Variants in ITCH observed in about 807,000 individuals in gnomAD.
ITCH encodes E3 ubiquitin-protein ligase Itchy homolog.
A neutral mutation model predicts 126.8 loss-of-function variants in ITCH; 28 were observed. The ratio of observed to expected loss-of-function variants is 0.22; its 90% CI spans 0.16 to 0.30. The LOEUF (loss-of-function observed/expected upper bound fraction) is 0.30. ITCH is among the 10% of genes least tolerant of loss of function. ITCH has a pLI of 1.00. For synonymous variants in ITCH, 342 were observed against 340.0 expected (o/e 1.01, Z -0.06); for missense variants, 631 against 1,032.4 (o/e 0.61, Z 5.33).
intron 2 of ITCH, among the ~76,000 whole-genome samples, chr20:34,385,272 A>C (rs1601773479): frequency 7.3e-6 from 1 of 136,700 alleles, no homozygotes; most frequent in East Asian, 2.3e-4. Flanking sequence ...TATGTTGGCC[A>C]GGCTGGTCTC....
intron 2 of ITCH, among the ~76,000 whole-genome samples, chr20:34,388,178 G>T (rs970879234): frequency 6.7e-6 from 1 of 149,810 alleles, no homozygotes; most frequent in African/African-American, 2.5e-5. Context: ...GTTCACTGCT[G>T]CCTCAACTTC....
In ITCH at chr20:34,416,880, T is replaced by TA. The variant is rs200041725; in HGVS notation, c.475+3002dup. On this transcript the variant is annotated intron_variant, in intron 6 of 24. Transcript: ENST00000374864. ...GAGTTAATCTGCTTTCATGAGTCTCTAGGAAGAGGTCTTCCTAGACCTCTT... is the reference window on the plus strand; with the variant it reads ...GAGTTAATCTGCTTTCATGAGTCTCTAAGGAAGAGGTCTTCCTAGACCTCTT... 4.5e-4 allele frequency among the ~76,000 whole-genome samples: 68 copies of TA among 151,084 alleles called. 2 individuals carry two copies. In the East Asian group the frequency reaches 0.013, roughly 30 times the overall value.
intron 12 of ITCH, 47 bp from the exon 13 acceptor site, chr20:34,457,343 T>G: frequency 8.3e-7 from 1 of 1,198,914 alleles, no homozygotes; most frequent in Non-Finnish European, 1.2e-6. Flanking sequence ...AAGAAGACTA[T>G]GCCAATGCTA....
chr20:34,379,279 G>A (rs192437892), intron 2 of ITCH, among the ~76,000 whole-genome samples: 18 of 152,150 alleles, frequency 1.2e-4, no homozygotes, highest in African/African-American at 3.9e-4. Context: ...ATCTCTAAGG[G>A]ACAAAGAAAA....
intron 2 of ITCH, among the ~76,000 whole-genome samples, chr20:34,381,419 C>T (rs2038058423): frequency 6.6e-6 from 1 of 151,704 alleles, no homozygotes; most frequent in African/African-American, 2.4e-5. Flanking sequence ...TGTGTGCCAC[C>T]ATGCCTGGCT....
At chr20:34,424,731 T>C (rs1293861801) in intron 7 of ITCH, among the ~76,000 whole-genome samples, 1 of 152,210 alleles carries the variant, frequency 6.6e-6, no homozygotes, top group Non-Finnish European at 1.5e-5. Context: ...GATAACCAAA[T>C]TGTTGATACT....
chr20:34,368,937 G>A (rs919787833), intron 1 of ITCH, among the ~76,000 whole-genome samples: 1 of 152,112 alleles, frequency 6.6e-6, no homozygotes, highest in African/African-American at 2.4e-5. Flanking sequence ...TCTTTCTTTT[G>A]TCCTGTCTGC....
Position 34,508,040 on chromosome 20 carries a change from C to T in ITCH, c.*246C>T. 1 of 461,508 alleles carries T rather than the reference C, an allele frequency of 2.2e-6. No homozygotes were observed. The highest frequency in any genetic ancestry group is 4.0e-6 in the Non-Finnish European group (1 of 249,496). 28.6% of individuals were successfully genotyped at this position (461,508 alleles called of 1,614,324 possible). A position where few individuals can be genotyped will look rare whatever the true frequency, so the allele number is the denominator to read the frequency against. On this transcript the variant is annotated 3_prime_UTR_variant, in exon 25 of 25. Coordinates refer to ENST00000374864, the MANE Select transcript of ITCH (RefSeq NM_031483.7). ...GATTTTAACACAACAATGAAATTTG[C>T]CTTGTCTTATTCCACTAGTTTATTC...
chr20:34,410,047 A>G (rs1169181680), intron 4 of ITCH, among the ~76,000 whole-genome samples: 2 of 112,026 alleles, frequency 1.8e-5, no homozygotes, highest in Admixed American at 1.1e-4. Flanking sequence ...TCTCTACAAA[A>G]AGACAAACAA....
At chr20:34,372,088 C>T (rs887942957) in intron 2 of ITCH, among the ~76,000 whole-genome samples, 3 of 151,722 alleles carry the variant, frequency 2.0e-5, no homozygotes, top group South Asian at 2.1e-4. Flanking sequence ...GGGCGGATCA[C>T]GAGGTCAGAA....
At chr20:34,431,980 AT>A (rs1474675518) in intron 7 of ITCH, among the ~76,000 whole-genome samples, 1 of 143,324 alleles carries the variant, frequency 7.0e-6, no homozygotes, top group Non-Finnish European at 1.5e-5. Flanking sequence ...GGAGGTGGAG[AT>A]TGCAGTGAGC....
chr20:34,481,306 G>T, intron 20 of ITCH, 100 bp downstream of exon 20: 1 of 1,278,056 alleles, frequency 7.8e-7, no homozygotes, highest in Non-Finnish European at 1.1e-6. Flanking sequence ...AATAGTATTT[G>T]TCTCTGTACT....
In ITCH at chr20:34,445,146, C is replaced by G. The variant is rs1229701042; in HGVS notation, c.966-141C>G. ...GAAATAAATTTTTAGAAACATTTCT[C>G]TTAAGTTCACTTACAAACTATTTAA... On this transcript the variant is annotated intron_variant, in intron 10 of 24. Coordinates refer to ENST00000374864, the MANE Select transcript of ITCH (RefSeq NM_031483.7). The G allele has an allele frequency of 3.2e-6, 3 of 936,708 alleles. No individual in the cohort carries two copies. In the African/African-American group the frequency reaches 5.0e-5, roughly 16 times the overall value. The allele number at this position is 936,708 out of a possible 1,614,324, so 58.0% of individuals were successfully genotyped here. A position where few individuals can be genotyped will look rare whatever the true frequency, so the allele number is the denominator to read the frequency against.
chr20:34,457,375 C>CT lies in ITCH; in HGVS notation c.1211-14dup. 1 of 1,595,782 alleles carries CT rather than the reference C, an allele frequency of 6.3e-7. No individual in the cohort carries two copies. Among genetic ancestry groups the CT allele is most frequent in the African/African-American group, 1.3e-5 (1 of 74,662 alleles). Reference sequence around the variant, plus strand: ...GCTAATGCTTTGCTTTCCCCTGCCCCTGCCCTTCCCAAAGAGAAGAGAACA... The same window carrying CT: ...GCTAATGCTTTGCTTTCCCCTGCCCCTTGCCCTTCCCAAAGAGAAGAGAACA... On this transcript the variant is annotated splice_polypyrimidine_tract_variant and intron_variant, in intron 12 of 24. Coordinates refer to ENST00000374864, the MANE Select transcript of ITCH (RefSeq NM_031483.7).
intron 4 of ITCH, among the ~76,000 whole-genome samples, chr20:34,412,031 A>G (rs1031648246): frequency 3.9e-5 from 6 of 152,242 alleles, no homozygotes; most frequent in Admixed American, 2.6e-4. Flanking sequence ...TATTCACATT[A>G]CAGTTCTGCT....
At chr20:34,377,274 T>C (rs2037882476) in intron 2 of ITCH, among the ~76,000 whole-genome samples, 1 of 152,148 alleles carries the variant, frequency 6.6e-6, no homozygotes, top group Non-Finnish European at 1.5e-5. Context: ...CTTGGGAGGC[T>C]GAGGCATGAG....
At chr20:34,501,888 AAAGT>A (rs1466946747) in intron 23 of ITCH, among the ~76,000 whole-genome samples, 1 of 152,180 alleles carries the variant, frequency 6.6e-6, no homozygotes, top group East Asian at 1.9e-4. Context: ...TAACCTAAAT[AAAGT>A]ATGAATAATA....
intron 6 of ITCH, among the ~76,000 whole-genome samples, chr20:34,423,224 G>A (rs1022528128): frequency 1.6e-4 from 25 of 152,090 alleles, no homozygotes; most frequent in African/African-American, 5.8e-4. Flanking sequence ...ATGATATAGC[G>A]TGTTTCATTA....
At chr20:34,458,643 ATAC>A (rs1242631472) in intron 13 of ITCH, among the ~76,000 whole-genome samples, 1 of 152,150 alleles carries the variant, frequency 6.6e-6, no homozygotes, top group African/African-American at 2.4e-5. Context: ...CACTCAGAAG[ATAC>A]TAGGAAGAGA....
Sources: gnomAD v4.1 joint callset for allele counts (sites outside exome capture counted in the v4.1 genomes callset) on GRCh38, gnomAD v4.1.1 for gene constraint, MANE v1.5 for transcripts, NCBI Gene and HGNC (gene_info 2026-07-23, HGNC 2026-07-21) for gene names.